Variants in SI observed in about 807,000 individuals in gnomAD.
SI encodes sucrase-isomaltase, also known as sucrase-isomaltase, intestinal.
SI carries 235 observed loss-of-function variants against 253.3 expected under a neutral mutation model. The ratio of observed to expected loss-of-function variants is 0.93; its 90% CI spans 0.83 to 1.03. The LOEUF is 1.03. Among genes scored for constraint, SI ranks in the 50% least tolerant of loss-of-function variants. SI has a pLI of 0.00. For missense variants in SI, 2,442 were observed against 2,211.1 expected, an observed-to-expected ratio of 1.10 and a Z score of -2.09; for synonymous variants, 819 against 712.0, an observed-to-expected ratio of 1.15 and a Z score of -2.39.
upstream of SI, among the ~76,000 whole-genome samples, chr3:165,079,601 C>T (rs1048461915): frequency 2.6e-5 from 4 of 151,512 alleles, no homozygotes; most frequent in Admixed American, 2.6e-4. Flanking sequence ...TATAATAAAA[C>T]TTTTGAGTGA....
At chr3:164,985,969 T>G (rs1717413884) in intron 45 of SI, among the ~76,000 whole-genome samples, 1 of 152,126 alleles carries the variant, frequency 6.6e-6, no homozygotes, top group Non-Finnish European at 1.5e-5. Flanking sequence ...GGAACAGTTA[T>G]GAATGGAATA....
chr3:165,041,022 A>G lies in SI; in HGVS notation c.2077T>C (p.Tyr693His). 4 of 1,612,540 alleles carry G rather than the reference A, an allele frequency of 2.5e-6. No homozygotes were observed. The highest frequency in any genetic ancestry group is 3.4e-6 in the Non-Finnish European group (4 of 1,178,918). ...GTGTAGAGGAAGGGTAATAAGGTGT[A>G]GCGAATAGTTAAATACTGCCTTGAT... ...KSSRQYLTIR[Y>H]TLLPFLYTLF... The change falls in exon 18 of 48, where the codon TAC (tyrosine) becomes CAC (histidine). Residue 693 changes from tyrosine to histidine, a missense_variant. By Grantham distance (83) the Tyr-to-His change is moderately conservative. Transcript: ENST00000264382.
chr3:165,046,708 A>G, intron 16 of SI, 133 bp downstream of exon 16: 1 of 719,980 alleles, frequency 1.4e-6, no homozygotes, highest in Non-Finnish European at 2.3e-6. Context: ...TTCCTCATAA[A>G]CTCCATAAAA....
chr3:165,001,948 A>G (rs1382211253), intron 37 of SI, among the ~76,000 whole-genome samples: 1 of 151,596 alleles, frequency 6.6e-6, no homozygotes, highest in Non-Finnish European at 1.5e-5. Context: ...AATATCTGCA[A>G]AAATAATTTA....
At chr3:165,033,544 T>C (rs1222589809) in intron 22 of SI, 100 bp from the exon 23 acceptor site, 13 of 1,138,918 alleles carry the variant, frequency 1.1e-5, no homozygotes, top group African/African-American at 1.6e-5. Flanking sequence ...ACAAACTAGA[T>C]GCTGTTTATT....
intron 45 of SI, 79 bp from the exon 46 acceptor site, chr3:164,983,130 T>C: frequency 7.4e-7 from 1 of 1,350,632 alleles, no homozygotes; most frequent in East Asian, 2.5e-5. Flanking sequence ...ACTTTGCTTC[T>C]CTTTCCCAGT....
In SI at chr3:165,019,730, A is replaced by T; in HGVS notation, c.3295T>A (p.Phe1099Ile). The change falls in exon 28 of 48, where the codon TTC (phenylalanine) becomes ATC (isoleucine). Residue 1099 changes from phenylalanine (F) to isoleucine (I), a missense_variant. Physicochemically the swap from Phe to Ile is conservative, Grantham distance 21. Coordinates refer to ENST00000264382, the MANE Select transcript of SI (RefSeq NM_001041.4). ...GGCAGGCGAGTCGATATTTGAATGA[A>T]CTGGTCATTAAAAGCAAATCCAGGC... ...WLPGFAFNDQ[F>I]IQISTRLPSE... 6.2e-7 allele frequency: 1 copy of T among 1,612,570 alleles called. No individual in the cohort carries two copies. Among genetic ancestry groups the T allele is most frequent in the Non-Finnish European group, 8.5e-7 (1 of 1,178,938 alleles).
intron 38 of SI, 57 bp from the exon 39 acceptor site, chr3:164,996,829 G>GT (rs1371395524): frequency 7.4e-6 from 6 of 810,058 alleles, no homozygotes; most frequent in Non-Finnish European, 1.9e-6. Context: ...TTTTAATATT[G>GT]TTTTTTATTT....
chr3:165,044,890 A>T (rs1713029585), intron 16 of SI, among the ~76,000 whole-genome samples: 1 of 152,046 alleles, frequency 6.6e-6, no homozygotes, highest in African/African-American at 2.4e-5. Flanking sequence ...TTTTACACAC[A>T]TAGGTCCCTT....
intron 45 of SI, among the ~76,000 whole-genome samples, chr3:164,984,930 G>A (rs561455186): frequency 2.9e-4 from 44 of 152,150 alleles, no homozygotes; most frequent in South Asian, 1.9e-3. Context: ...TATGGTTTTC[G>A]CTGTTAACTC....
intron 8 of SI, among the ~76,000 whole-genome samples, chr3:165,063,065 T>A (rs984951409): frequency 2.6e-5 from 4 of 151,894 alleles, no homozygotes; most frequent in Non-Finnish European, 4.4e-5. Context: ...TATGATAAAC[T>A]AAAAAAAATA....
chr3:165,039,869 T>C lies in SI; in HGVS notation c.2244+18A>G, dbSNP rs751481699. On this transcript the variant is annotated intron_variant, in intron 19 of 47. Coordinates refer to ENST00000264382, the MANE Select transcript of SI (RefSeq NM_001041.4). ...TACAAAGTTCAAACAATAAGGTTAT[T>C]AAACCTGTAGAGCCTACCTGTTTTA... 6.4e-7 allele frequency: 1 copy of C among 1,568,706 alleles called. No individual in the cohort carries two copies. The highest frequency in any genetic ancestry group is 1.7e-5 in the Admixed American group (1 of 59,846).
Position 165,019,530 on chromosome 3 carries a change from C to A in SI, c.3423+72G>T. ...ATTACTTCAATCCTAAAGCACAGGC[C>A]CATAAAGAAGTGGCTTGGATTCTAC... is the stretch of plus-strand genomic sequence containing the variant. On this transcript the variant is annotated intron_variant, in intron 28 of 47. Transcript: ENST00000264382. 2.3e-6 allele frequency: 3 copies of A among 1,304,600 alleles called. No individual in the cohort carries two copies. In the South Asian group the frequency reaches 3.5e-5, roughly 15 times the overall value. 80.8% of individuals were successfully genotyped at this position (1,304,600 alleles called of 1,614,324 possible).
intron 12 of SI, 76 bp from the exon 13 acceptor site, chr3:165,055,383 T>C: frequency 1.2e-6 from 1 of 821,386 alleles, no homozygotes. Context: ...TTAATAAAGT[T>C]GAGAATAGTA....
chr3:165,022,715 A>G (rs1393848448), intron 26 of SI, among the ~76,000 whole-genome samples: 1 of 151,654 alleles, frequency 6.6e-6, no homozygotes, highest in Admixed American at 6.6e-5. Context: ...ATGAATTTTT[A>G]TTCTTTACCC....
intron 13 of SI, among the ~76,000 whole-genome samples, chr3:165,050,565 A>G (rs1415357194): frequency 2.0e-5 from 3 of 152,134 alleles, no homozygotes; most frequent in East Asian, 3.9e-4. Flanking sequence ...AACCCAGTTA[A>G]GTCTTTGCAC....
At chr3:164,993,531 CAAAT>C (rs1717870951) in intron 41 of SI, among the ~76,000 whole-genome samples, 1 of 151,614 alleles carries the variant, frequency 6.6e-6, no homozygotes, top group Non-Finnish European at 1.5e-5. Context: ...TGAAATCTAA[CAAAT>C]AATCTCATTC....
At chr3:165,049,657 A>G (rs1438507730) in intron 14 of SI, 134 bp downstream of exon 14, 6 of 630,268 alleles carry the variant, frequency 9.5e-6, no homozygotes, top group East Asian at 8.4e-5. Flanking sequence ...TCTGAAGAAA[A>G]GATAAACAAA....
Position 165,065,357 on chromosome 3 carries a change from A to G in SI, c.711T>C (p.Tyr237=), listed in dbSNP as rs374691704. Reference sequence around the variant, plus strand: ...GAACTTGTTCTCCAATACCATAAATATAATCACTTGGAAGACGGGTTGAGA... The same window carrying G: ...GAACTTGTTCTCCAATACCATAAATGTAATCACTTGGAAGACGGGTTGAGA... ...LQISTRLPSD[Y]IYGIGEQVHK... is the part of the protein sequence containing the mutation. The change falls in exon 7 of 48, where the codon TAT becomes TAC. Residue 237 remains tyrosine (Y), a synonymous_variant. Transcript: ENST00000264382. 2.8e-5 allele frequency: 44 copies of G among 1,595,432 alleles called. No individual in the cohort carries two copies. The highest frequency in any genetic ancestry group is 3.8e-5 in the Non-Finnish European group (44 of 1,164,872).
Sources: allele counts gnomAD v4.1 joint callset (sites outside exome capture counted in the v4.1 genomes callset), GRCh38; gene constraint gnomAD v4.1.1; transcripts MANE v1.5; gene names NCBI Gene and HGNC (gene_info 2026-07-23, HGNC 2026-07-21).